SPATA45: variants seen among roughly 807,000 people sequenced by gnomAD.
SPATA45 encodes spermatogenesis associated 45.
SPATA45 carries 5 observed loss-of-function variants against 7.0 expected under a neutral mutation model. The observed-to-expected ratio is 0.71, with a 90% CI of 0.37 to 1.50. The LOEUF (loss-of-function observed/expected upper bound fraction) is 1.50. Ranked by LOEUF, SPATA45 falls within the 40% of genes most tolerant of loss-of-function variation. The probability of loss-of-function intolerance (pLI) is 0.03; values close to 1 mark genes in which losing one functional copy is unlikely to be tolerated. For missense variants in SPATA45, 111 were observed against 114.9 expected (o/e 0.97, Z 0.16); for synonymous variants, 40 against 38.7 (o/e 1.03, Z -0.13).
intron 1 of SPATA45, among the ~76,000 whole-genome samples, chr1:212,837,001 T>C (rs181203210): frequency 6.6e-6 from 1 of 151,450 alleles, no homozygotes; most frequent in Non-Finnish European, 1.5e-5. Context: ...TTATTTTTTG[T>C]TTTTTAGGTG....
chr1:212,830,961 G>A (rs1292101878), intron 2 of SPATA45, among the ~76,000 whole-genome samples: 3 of 150,670 alleles, frequency 2.0e-5, no homozygotes, highest in Non-Finnish European at 4.4e-5. Context: ...CCAGCCTGGT[G>A]ACAGAGCAAG....
At chr1:212,830,464 G>A (rs1318047792) in intron 2 of SPATA45, among the ~76,000 whole-genome samples, 1 of 151,000 alleles carries the variant, frequency 6.6e-6, no homozygotes, top group African/African-American at 2.4e-5. Context: ...GAGGTCAGGA[G>A]ATCGAGACCA....
At chr1:212,836,238 A>G (rs1323912128) in intron 1 of SPATA45, 51 bp from the exon 2 acceptor site, 1 of 1,349,832 alleles carries the variant, frequency 7.4e-7, no homozygotes, top group Non-Finnish European at 1.0e-6. Flanking sequence ...CTCAGAAGCC[A>G]GTATTCACAA....
At chr1:212,837,349 G>T (rs1455632899) in intron 1 of SPATA45, among the ~76,000 whole-genome samples, 1 of 151,534 alleles carries the variant, frequency 6.6e-6, no homozygotes, top group Admixed American at 6.6e-5. Context: ...TTTTAAAAGT[G>T]GCGGCCAGGC....
rs1218430746 is a variant in SPATA45, at chr1:212,831,359, T to C, written c.278-1098A>G. On this transcript the variant is annotated intron_variant, in intron 2 of 2. Coordinates refer to ENST00000332912, the MANE Select transcript of SPATA45 (RefSeq NM_001024601.3). ...GGTGGCACATGCCTATAGTCCCAGC[T>C]ACTCGGGAGGCTGAGAGGTAGGAGG... Among the ~76,000 whole-genome samples, 2 of 150,102 alleles carry C rather than the reference T, an allele frequency of 1.3e-5. 1 individual carries two copies. Among genetic ancestry groups the C allele is most frequent in the Non-Finnish European group, 3.0e-5 (2 of 67,370 alleles).
chr1:212,840,401 C>G (rs1663659412), intron 1 of SPATA45, among the ~76,000 whole-genome samples: 1 of 152,176 alleles, frequency 6.6e-6, no homozygotes, highest in Non-Finnish European at 1.5e-5. Context: ...CAGAGCGAGT[C>G]TCCGTCTCAA....
At chr1:212,832,677 T>G (rs1663510957) in intron 2 of SPATA45, among the ~76,000 whole-genome samples, 1 of 151,554 alleles carries the variant, frequency 6.6e-6, no homozygotes, top group Non-Finnish European at 1.5e-5. Context: ...TGCCTTCCAA[T>G]TCGTATTGAA....
chr1:212,836,818 T>C (rs1364797659), intron 1 of SPATA45, among the ~76,000 whole-genome samples: 2 of 148,926 alleles, frequency 1.3e-5, no homozygotes, highest in African/African-American at 4.9e-5. Flanking sequence ...CCAGCTAATT[T>C]TTTTTTTTTT....
chr1:212,841,519 A>C (rs1293500890), intron 1 of SPATA45, among the ~76,000 whole-genome samples: 1 of 152,034 alleles, frequency 6.6e-6, no homozygotes, highest in Non-Finnish European at 1.5e-5. Flanking sequence ...TTTTATAATA[A>C]TGCTTTGAAA....
Position 212,836,081 on chromosome 1 carries a change from C to G in SPATA45, c.69G>C (p.Glu23Asp), listed in dbSNP as rs768292082. ...KHGVSKQHLL[E>D]EINKKRESNC... is the part of the protein sequence containing the mutation. ...TGGATTCACGCTTTTTGTTTATCTC[C>G]TCCAGGAGATGTTGTTTGCTTACTC... The change falls in exon 2 of 3, where the codon GAG (glutamate) becomes GAC (aspartate). Residue 23 changes from glutamate (E) to aspartate (D), a missense_variant. By Grantham distance (45) the Glu-to-Asp change is conservative. Transcript: ENST00000332912. 1.9e-6 allele frequency: 3 copies of G among 1,608,166 alleles called. No homozygotes were observed. In the Admixed American group the frequency reaches 5.0e-5, roughly 27 times the overall value.
chr1:212,843,727 A>G (rs766161167), intron 1 of SPATA45, among the ~76,000 whole-genome samples: 16 of 152,196 alleles, frequency 1.1e-4, no homozygotes, highest in Non-Finnish European at 2.1e-4. Flanking sequence ...GGAACAGGCC[A>G]ATTCCAACTG....
chr1:212,834,666 G>C (rs1427511386), intron 2 of SPATA45, among the ~76,000 whole-genome samples: 1 of 151,388 alleles, frequency 6.6e-6, no homozygotes, highest in Non-Finnish European at 1.5e-5. Context: ...GGCCAGGCTG[G>C]TCTCAAACTC....
intron 2 of SPATA45, among the ~76,000 whole-genome samples, chr1:212,832,359 C>A (rs770150805): frequency 8.4e-4 from 48 of 57,192 alleles, no homozygotes; most frequent in Non-Finnish European, 8.3e-4. Context: ...GAAATCTAAG[C>A]TTTTTTTTTT....
intron 1 of SPATA45, among the ~76,000 whole-genome samples, chr1:212,843,302 GAAAA>G (rs1310959462): frequency 6.0e-5 from 9 of 150,424 alleles, no homozygotes; most frequent in Non-Finnish European, 1.3e-4. Flanking sequence ...AAAAAAAAAA[GAAAA>G]GAAAGAAAGA....
chr1:212,841,701 C>T (rs1408041923), intron 1 of SPATA45, among the ~76,000 whole-genome samples: 1 of 146,340 alleles, frequency 6.8e-6, no homozygotes, highest in Non-Finnish European at 1.5e-5. Context: ...GTCACTCCCT[C>T]TCAAAAAAAT....
At chr1:212,833,152 A>G (rs1263607857) in intron 2 of SPATA45, among the ~76,000 whole-genome samples, 1 of 151,532 alleles carries the variant, frequency 6.6e-6, no homozygotes, top group Non-Finnish European at 1.5e-5. Context: ...TACATGGGTA[A>G]GTTCTTCAGC....
At chr1:212,831,834 C>T (rs1663493826) in intron 2 of SPATA45, among the ~76,000 whole-genome samples, 1 of 151,084 alleles carries the variant, frequency 6.6e-6, no homozygotes, top group African/African-American at 2.4e-5. Flanking sequence ...CCTGTTTACA[C>T]TGGACTCCTC....
chr1:212,836,592 A>G lies in SPATA45; in HGVS notation c.-38-405T>C, dbSNP rs371990855. 1.1e-4 allele frequency among the ~76,000 whole-genome samples: 16 copies of G among 151,610 alleles called. 1 individual carries two copies. The East Asian group carries it at 2.7e-3, about 26-fold the overall frequency. ...GTGATCCACCCACCTCAGCTTCCCA[A>G]AGTGCTGGGATTACAGGTGTCAGCC... is the stretch of plus-strand genomic sequence containing the variant. On this transcript the variant is annotated intron_variant, in intron 1 of 2. Transcript: ENST00000332912.
chr1:212,837,674 C>T (rs993194711), intron 1 of SPATA45, among the ~76,000 whole-genome samples: 2 of 151,612 alleles, frequency 1.3e-5, no homozygotes, highest in African/African-American at 2.4e-5. Context: ...CAGTGGCTCA[C>T]GCCTATAATC....
Sources: allele counts gnomAD v4.1 joint callset (sites outside exome capture counted in the v4.1 genomes callset), GRCh38; gene constraint gnomAD v4.1.1; transcripts MANE v1.5; gene names NCBI Gene and HGNC (gene_info 2026-07-23, HGNC 2026-07-21).